Variants in SORCS3 observed in about 807,000 individuals in gnomAD.
SORCS3 encodes the protein sortilin related VPS10 domain containing receptor 3, also known as VPS10 domain-containing receptor SorCS3.
SORCS3 carries 57 observed loss-of-function variants against 146.3 expected under a neutral mutation model. The ratio of observed to expected loss-of-function variants is 0.39; its 90% CI spans 0.31 to 0.49. The LOEUF is 0.49. Among genes scored for constraint, SORCS3 ranks in the 20% least tolerant of loss-of-function variants. SORCS3 has a pLI of 0.92. For missense variants in SORCS3, 1,341 were observed against 1,575.5 expected (o/e 0.85, Z 2.52); for synonymous variants, 653 against 618.5 (o/e 1.06, Z -0.83).
chr10:104,860,532 C>T (rs538851095), intron 2 of SORCS3, among the ~76,000 whole-genome samples: 2 of 150,532 alleles, frequency 1.3e-5, no homozygotes, highest in South Asian at 4.3e-4. Flanking sequence ...AACTAACCTG[C>T]ACATTGTACA....
intron 4 of SORCS3, among the ~76,000 whole-genome samples, chr10:104,984,149 A>G (rs949390348): frequency 6.6e-6 from 1 of 152,188 alleles, no homozygotes; most frequent in Non-Finnish European, 1.5e-5. Context: ...AAGTTTTCTC[A>G]AAAGAAATGT....
At chr10:104,707,190 C>T (rs1028763044) in intron 1 of SORCS3, among the ~76,000 whole-genome samples, 1 of 152,156 alleles carries the variant, frequency 6.6e-6, no homozygotes, top group Non-Finnish European at 1.5e-5. Context: ...GGTACAAAAT[C>T]TGGCTCTGCT....
intron 17 of SORCS3, 78 bp downstream of exon 17, chr10:105,211,328 A>G (rs2056632612): frequency 3.2e-6 from 3 of 933,274 alleles, no homozygotes; most frequent in Admixed American, 1.9e-5. Context: ...ATGCATTGCT[A>G]TTGAATACAA....
chr10:104,815,775 A>C (rs1280719240), intron 1 of SORCS3, among the ~76,000 whole-genome samples: 2 of 152,202 alleles, frequency 1.3e-5, no homozygotes, highest in East Asian at 3.8e-4. Context: ...ACCAAGTGCC[A>C]GTTTATCAGT....
rs149932186 is a variant in SORCS3 at position 104,862,642 on chromosome 10, G to GTATA, written c.695+19784_695+19787dup. Among the ~76,000 whole-genome samples the GTATA allele has an allele frequency of 6.4e-3, 968 of 152,050 alleles. 10 individuals carry two copies. The highest frequency in any genetic ancestry group is 0.023 in the African/African-American group (944 of 41,476). The stretch of plus-strand genomic sequence containing the variant: ...ATTTGTATGTGTTTTTAAATATAAT[G>GTATA]TATAAACTGAATTGTATGTGTTTTT... On this transcript the variant is annotated intron_variant, in intron 2 of 26. Coordinates refer to ENST00000369701, the MANE Select transcript of SORCS3 (RefSeq NM_014978.3).
At chr10:104,805,769 G>A (rs369076613) in intron 1 of SORCS3, among the ~76,000 whole-genome samples, 1 of 152,236 alleles carries the variant, frequency 6.6e-6, no homozygotes, top group East Asian at 1.9e-4. Context: ...GCCTTCTCAT[G>A]TTCTTCATGC....
chr10:104,763,001 A>C (rs952969143), intron 1 of SORCS3, among the ~76,000 whole-genome samples: 1 of 152,204 alleles, frequency 6.6e-6, no homozygotes, highest in Non-Finnish European at 1.5e-5. Flanking sequence ...AAGTATTTTT[A>C]AGCAGCTTTC....
chr10:104,651,720 A>T (rs2015562529), intron 1 of SORCS3, among the ~76,000 whole-genome samples: 1 of 151,834 alleles, frequency 6.6e-6, no homozygotes. Context: ...AAAAAAAAAG[A>T]ATGTTAATTC....
At chr10:104,842,329 T>A (rs909469673) in intron 1 of SORCS3, among the ~76,000 whole-genome samples, 2 of 152,206 alleles carry the variant, frequency 1.3e-5, no homozygotes, top group African/African-American at 4.8e-5. Context: ...ACACAAAATC[T>A]CTTTGAACCC....
intron 16 of SORCS3, among the ~76,000 whole-genome samples, chr10:105,210,543 G>A (rs1399909996): frequency 6.6e-6 from 1 of 152,150 alleles, no homozygotes; most frequent in East Asian, 1.9e-4. Context: ...TTCCCATTTT[G>A]CATCAGGGAG....
At chr10:105,254,573 G>A (rs537444756) in intron 23 of SORCS3, among the ~76,000 whole-genome samples, 1 of 152,284 alleles carries the variant, frequency 6.6e-6, no homozygotes, top group East Asian at 1.9e-4. Context: ...TCCTGCAGTT[G>A]GCCCTGCAGA....
chr10:104,830,979 T>C (rs11814531), intron 1 of SORCS3, among the ~76,000 whole-genome samples: 1 of 150,534 alleles, frequency 6.6e-6, no homozygotes, highest in African/African-American at 2.4e-5. Context: ...GCCCAGCTAA[T>C]TTTTTTTAAT....
chr10:105,109,565 T>C (rs1263057187), intron 7 of SORCS3, among the ~76,000 whole-genome samples: 2 of 152,148 alleles, frequency 1.3e-5, no homozygotes, highest in East Asian at 3.8e-4. Flanking sequence ...AATATGTTTG[T>C]CTGTATCTTT....
intron 1 of SORCS3, among the ~76,000 whole-genome samples, chr10:104,718,181 A>C (rs2016501604): frequency 6.6e-6 from 1 of 152,080 alleles, no homozygotes; most frequent in East Asian, 1.9e-4. Context: ...TAAATAAATA[A>C]ATAAGAGAAA....
At chr10:104,804,518 G>T (rs1346256647) in intron 1 of SORCS3, among the ~76,000 whole-genome samples, 1 of 152,094 alleles carries the variant, frequency 6.6e-6, no homozygotes, top group Non-Finnish European at 1.5e-5. Context: ...GAGTAGGCAG[G>T]GTGGCTATGG....
At chr10:104,766,767 G>A (rs2017185038) in intron 1 of SORCS3, among the ~76,000 whole-genome samples, 1 of 152,182 alleles carries the variant, frequency 6.6e-6, no homozygotes, top group African/African-American at 2.4e-5. Flanking sequence ...GAAGATGTGG[G>A]GCCACGGTAC....
intron 19 of SORCS3, among the ~76,000 whole-genome samples, chr10:105,218,599 G>T (rs561697896): frequency 6.6e-6 from 1 of 152,330 alleles, no homozygotes; most frequent in South Asian, 2.1e-4. Context: ...TGGGTGATGT[G>T]CACGGTGTTC....
At chr10:105,001,612 C>T (rs2055061583) in intron 4 of SORCS3, among the ~76,000 whole-genome samples, 1 of 152,162 alleles carries the variant, frequency 6.6e-6, no homozygotes, top group African/African-American at 2.4e-5. Context: ...CAGCTTCATG[C>T]TTACCCTTTG....
chr10:104,962,476 G>A (rs998527388), intron 3 of SORCS3, among the ~76,000 whole-genome samples: 2 of 152,024 alleles, frequency 1.3e-5, no homozygotes, highest in East Asian at 1.9e-4. Context: ...GATAGTTTGG[G>A]GCAGCAGATT....
Sources: allele counts gnomAD v4.1 joint callset (sites outside exome capture counted in the v4.1 genomes callset), GRCh38; gene constraint gnomAD v4.1.1; transcripts MANE v1.5; gene names NCBI Gene and HGNC (gene_info 2026-07-23, HGNC 2026-07-21).